The following UGT8 variants were observed in gnomAD, a reference collection of about 807,000 sequenced individuals.
The protein encoded by UGT8 is 2-hydroxyacylsphingosine 1-beta-galactosyltransferase.
Under a neutral mutation model 40.5 loss-of-function variants are expected in UGT8, and 12 were observed. The ratio of observed to expected loss-of-function variants is 0.30; its 90% CI spans 0.19 to 0.48. UGT8 has a LOEUF of 0.48. Ranked by LOEUF, UGT8 falls within the 20% of genes least tolerant of loss-of-function variation. The pLI, the probability that UGT8 is intolerant of heterozygous loss-of-function variation, is 0.99. For missense variants in UGT8, 513 were observed against 648.7 expected (o/e 0.79, Z 2.27); for synonymous variants, 224 against 240.4 (o/e 0.93, Z 0.63).
intron 2 of UGT8, among the ~76,000 whole-genome samples, chr4:114,624,223 T>C (rs1454529750): frequency 6.6e-6 from 1 of 152,176 alleles, no homozygotes; most frequent in Non-Finnish European, 1.5e-5. Flanking sequence ...TTTAAGCTAG[T>C]AAGTAAATGT....
At chr4:114,665,831 T>C (rs2126133815) in intron 4 of UGT8, 75 bp downstream of exon 4, 2 of 1,096,054 alleles carry the variant, frequency 1.8e-6, no homozygotes, top group Admixed American at 2.3e-5. Flanking sequence ...TTTTTTTTTT[T>C]ACTTCAGAGG....
rs140491683 is a variant in UGT8, at chr4:114,609,194, C to A, written c.-3+10220C>A. ...TCAGGCTGTAGTGTGCTGTGGAGAT[C>A]GTGCCTATGAATAGCCATTGCACTC... On this transcript the variant is annotated intron_variant, in intron 1 of 5. Transcript: ENST00000310836. Among the ~76,000 whole-genome samples the A allele has an allele frequency of 5.6e-3, 849 of 152,044 alleles. 6 individuals are homozygous for A. The highest frequency in any genetic ancestry group is 0.017 in the Middle Eastern group (5 of 294).
chr4:114,666,652 C>T (rs1416245619), intron 4 of UGT8, among the ~76,000 whole-genome samples: 2 of 152,128 alleles, frequency 1.3e-5, no homozygotes, highest in Non-Finnish European at 2.9e-5. Flanking sequence ...TCAACTATTT[C>T]AGTGCGACAG....
chr4:114,673,394 G>A (rs143107417), intron 5 of UGT8, among the ~76,000 whole-genome samples: 160 of 152,242 alleles, frequency 1.1e-3, no homozygotes, highest in African/African-American at 3.1e-3. Context: ...AAATGAAATC[G>A]GTTAGTTAGC....
At chr4:114,625,282 G>A (rs1369999218) in intron 2 of UGT8, among the ~76,000 whole-genome samples, 4 of 152,056 alleles carry the variant, frequency 2.6e-5, no homozygotes, top group African/African-American at 4.8e-5. Context: ...GGAGGCCAAG[G>A]CAGGAGGATC....
rs112659357 is a variant in UGT8, at chr4:114,676,663, G to T, written c.*375G>T. On this transcript the variant is annotated 3_prime_UTR_variant, in exon 6 of 6. Transcript: ENST00000310836. ...TGTATGTGTGTGTGTGTGTGTGTGT[G>T]TTTGTGTGTGTGTGTGTGTGTCCTA... 2.4e-4 allele frequency: 38 copies of T among 159,888 alleles called. No homozygotes were observed. The highest frequency in any genetic ancestry group is 4.2e-4 in the Non-Finnish European group (31 of 74,538). 9.9% of individuals were successfully genotyped at this position (159,888 alleles called of 1,614,324 possible). A position where few individuals can be genotyped will look rare whatever the true frequency, so the allele number is the denominator to read the frequency against.
chr4:114,611,402 C>CCA (rs1731029881), intron 1 of UGT8, among the ~76,000 whole-genome samples: 2 of 66,678 alleles, frequency 3.0e-5, no homozygotes, highest in Non-Finnish European at 2.7e-5. Flanking sequence ...CCATATATAT[C>CCA]CATATATATA....
chr4:114,607,486 G>A (rs187576667), intron 1 of UGT8, among the ~76,000 whole-genome samples: 166 of 151,968 alleles, frequency 1.1e-3, no homozygotes, highest in African/African-American at 3.8e-3. Context: ...TTCCTTCCTG[G>A]CATTTTTATT....
At chr4:114,671,646 C>G (rs1735286046) in intron 5 of UGT8, among the ~76,000 whole-genome samples, 1 of 152,140 alleles carries the variant, frequency 6.6e-6, no homozygotes, top group Non-Finnish European at 1.5e-5. Context: ...AAACTGGACC[C>G]CTTCCTTACA....
intron 1 of UGT8, among the ~76,000 whole-genome samples, chr4:114,611,404 A>ATATG (rs2126088430): frequency 2.4e-4 from 1 of 4,178 alleles, no homozygotes; most frequent in African/African-American, 4.7e-4. Flanking sequence ...ATATATATCC[A>ATATG]TATATATATA....
chr4:114,659,093 G>T (rs1734363224), intron 2 of UGT8, among the ~76,000 whole-genome samples: 2 of 152,030 alleles, frequency 1.3e-5, no homozygotes, highest in African/African-American at 2.4e-5. Flanking sequence ...ATTACTCTAG[G>T]ATAAGAAATC....
chr4:114,604,111 A>G (rs1004031930), intron 1 of UGT8, among the ~76,000 whole-genome samples: 5 of 152,166 alleles, frequency 3.3e-5, no homozygotes, highest in Admixed American at 6.5e-5. Context: ...AGGACAATCC[A>G]TGCTTCCGCC....
chr4:114,607,107 A>G (rs1730779799), intron 1 of UGT8, among the ~76,000 whole-genome samples: 1 of 152,186 alleles, frequency 6.6e-6, no homozygotes, highest in Admixed American at 6.5e-5. Context: ...TATTACACAT[A>G]TATTTCTACT....
In UGT8 at chr4:114,623,371, A is replaced by G. The variant is rs765529828; in HGVS notation, c.491A>G (p.Tyr164Cys). The stretch of plus-strand genomic sequence containing the variant: ...GCTGTATTTTCAACTGGCCTTTGGT[A>G]TCCTGCTGAAGTGGGTGCTCCTGCT... ...KYAVFSTGLW[Y>C]PAEVGAPAPL... The change falls in exon 2 of 6, where the codon TAT becomes TGT. Residue 164 changes from tyrosine (Y) to cysteine (C), a missense_variant. Tyr to Cys is a radical substitution (Grantham distance 194, BLOSUM62 -2). Around this residue, in one of 3 missense-constraint regions of UGT8, gnomAD observed 335 missense variants for 444.8 expected, o/e 0.75. Coordinates refer to ENST00000310836, the MANE Select transcript of UGT8 (RefSeq NM_001128174.3). 10 of 1,614,186 alleles carry G rather than the reference A, an allele frequency of 6.2e-6. No individual in the cohort carries two copies. The highest frequency in any genetic ancestry group is 8.5e-6 in the Non-Finnish European group (10 of 1,180,024).
intron 2 of UGT8, among the ~76,000 whole-genome samples, chr4:114,653,157 T>C (rs931723381): frequency 6.6e-6 from 1 of 152,128 alleles, no homozygotes; most frequent in Non-Finnish European, 1.5e-5. Flanking sequence ...ATCAAGTTCC[T>C]AGTTTTCTAG....
intron 2 of UGT8, among the ~76,000 whole-genome samples, chr4:114,661,950 A>G (rs1169957393): frequency 6.6e-6 from 1 of 152,172 alleles, no homozygotes. Flanking sequence ...AGTACATCTA[A>G]CTTAGGACTG....
chr4:114,619,578 A>G (rs1731651820), intron 1 of UGT8: 1 of 152,086 alleles, frequency 6.6e-6, no homozygotes, highest in African/African-American at 2.4e-5. Flanking sequence ...AAAGTGCTAC[A>G]TGATGTTTAT....
At chr4:114,675,891 C>T in intron 5 of UGT8, 34 bp from the exon 6 acceptor site, 2 of 1,562,084 alleles carry the variant, frequency 1.3e-6, no homozygotes, top group Non-Finnish European at 1.7e-6. Context: ...TTATTATAAG[C>T]ATCATCATTC....
chr4:114,670,954 C>G (rs1390157374), intron 5 of UGT8, among the ~76,000 whole-genome samples: 4 of 152,196 alleles, frequency 2.6e-5, no homozygotes, highest in Non-Finnish European at 5.9e-5. Flanking sequence ...AAAGGAACTT[C>G]AGCAAAGTCT....
Sources: gnomAD v4.1 joint callset for allele counts (sites outside exome capture counted in the v4.1 genomes callset) on GRCh38, gnomAD v4.1.1 for gene constraint, gnomAD v4.1.1 regional missense constraint, MANE v1.5 for transcripts, NCBI Gene and HGNC (gene_info 2026-07-23, HGNC 2026-07-21) for gene names.